Variants in PTPRT observed in about 807,000 individuals in gnomAD.
PTPRT encodes the protein receptor-type tyrosine-protein phosphatase T.
Under a neutral mutation model 176.8 loss-of-function variants are expected in PTPRT, and 56 were observed. That is an observed-to-expected ratio of 0.32 (90% confidence interval 0.26 to 0.40). PTPRT has a LOEUF of 0.40. PTPRT is among the 10% of genes least tolerant of loss of function. The probability of loss-of-function intolerance (pLI) is 1.00; values close to 1 mark genes in which losing one functional copy is unlikely to be tolerated. For synonymous variants in PTPRT, 783 were observed against 739.0 expected, an observed-to-expected ratio of 1.06 and a Z score of -0.96; for missense variants, 1,540 against 1,908.2, an observed-to-expected ratio of 0.81 and a Z score of 3.60.
At chr20:42,064,971 C>T in the PTPRT span, among the ~76,000 whole-genome samples, 1 of 152,170 alleles carries the variant, frequency 6.6e-6, no homozygotes, top group Non-Finnish European at 1.5e-5. Flanking sequence ...TGTAATTAGT[C>T]TGACTACTCT....
chr20:42,705,235 C>T (rs1051211579), intron 6 of PTPRT, among the ~76,000 whole-genome samples: 4 of 152,050 alleles, frequency 2.6e-5, no homozygotes, highest in Non-Finnish European at 4.4e-5. Flanking sequence ...TTGTTACACA[C>T]GTCCATATAA....
Position 42,659,805 on chromosome 20 carries a change from T to C in PTPRT, c.1153+18061A>G, listed in dbSNP as rs984040459. Among the ~76,000 whole-genome samples the C allele has an allele frequency of 3.9e-5, 6 of 152,120 alleles. No homozygotes were observed. In the East Asian group the frequency reaches 1.2e-3, roughly 29 times the overall value. On this transcript the variant is annotated intron_variant, in intron 7 of 30. Transcript: ENST00000373187. ...ATGGATTCGCTGCTTAACCTTCAAA[T>C]AAAAAAAATTCAATTAATCAGAGCT...
intron 7 of PTPRT, among the ~76,000 whole-genome samples, chr20:42,643,149 T>C (rs760164037): frequency 2.0e-5 from 3 of 152,126 alleles, no homozygotes; most frequent in Non-Finnish European, 2.9e-5. Context: ...AGCATTATTA[T>C]GGCAATAGCT....
chr20:43,113,272 T>C (rs768697824), intron 1 of PTPRT, among the ~76,000 whole-genome samples: 9 of 152,234 alleles, frequency 5.9e-5, no homozygotes, highest in Non-Finnish European at 1.0e-4. Context: ...ATTTGGCTTA[T>C]TAAAAAAGTA....
At chr20:42,055,163 C>A in the PTPRT span, among the ~76,000 whole-genome samples, 2 of 152,118 alleles carry the variant, frequency 1.3e-5, no homozygotes, top group African/African-American at 4.8e-5. Context: ...CTTAACGTGG[C>A]GGTACAGGTG....
intron 1 of PTPRT, among the ~76,000 whole-genome samples, chr20:42,947,158 C>T (rs367912712): frequency 6.2e-4 from 94 of 152,282 alleles, no homozygotes; most frequent in African/African-American, 2.1e-3. Context: ...CCCCTGTGCC[C>T]GTACTACCTG....
chr20:42,209,330 A>T (rs2055558300), intron 15 of PTPRT, among the ~76,000 whole-genome samples: 1 of 152,030 alleles, frequency 6.6e-6, no homozygotes, highest in Non-Finnish European at 1.5e-5. Flanking sequence ...GACACAAAAA[A>T]CCCTTCAAAA....
chr20:42,249,512 C>A (rs918158071), intron 13 of PTPRT, among the ~76,000 whole-genome samples: 1 of 152,194 alleles, frequency 6.6e-6, no homozygotes, highest in Non-Finnish European at 1.5e-5. Flanking sequence ...TTAGCCCTAT[C>A]CTGGGTAACT....
intron 7 of PTPRT, among the ~76,000 whole-genome samples, chr20:42,654,130 C>A (rs1410475745): frequency 6.6e-6 from 1 of 151,970 alleles, no homozygotes; most frequent in Non-Finnish European, 1.5e-5. Context: ...ATGTTAGAGG[C>A]CATGGAAACT....
At chr20:42,150,611 G>A (rs1033450686) in intron 17 of PTPRT, among the ~76,000 whole-genome samples, 1 of 152,230 alleles carries the variant, frequency 6.6e-6, no homozygotes, top group Non-Finnish European at 1.5e-5. Context: ...CACTAACTGT[G>A]TATGCGAGTC....
intron 3 of PTPRT, among the ~76,000 whole-genome samples, chr20:42,781,470 C>T (rs962243783): frequency 2.0e-4 from 31 of 152,146 alleles, no homozygotes; most frequent in Non-Finnish European, 4.1e-4. Flanking sequence ...GGAACATCAG[C>T]GCTCTTGACC....
intron 8 of PTPRT, among the ~76,000 whole-genome samples, chr20:42,463,226 T>C (rs1326182050): frequency 1.3e-5 from 2 of 151,074 alleles, no homozygotes; most frequent in Non-Finnish European, 2.9e-5. Context: ...AAAAAATTCC[T>C]TTTTTTGTCT....
chr20:42,042,599 A>G, the PTPRT span, among the ~76,000 whole-genome samples: 5 of 152,212 alleles, frequency 3.3e-5, no homozygotes, highest in African/African-American at 1.2e-4. Context: ...CAAAGTGCTC[A>G]TCTGAGCCGC....
chr20:42,594,137 A>G (rs2073628310), intron 7 of PTPRT, among the ~76,000 whole-genome samples: 1 of 152,166 alleles, frequency 6.6e-6, no homozygotes, highest in Non-Finnish European at 1.5e-5. Context: ...ACGTGAAGGG[A>G]AAGAAGTGAG....
intron 17 of PTPRT, among the ~76,000 whole-genome samples, chr20:42,153,116 T>C (rs182601776): frequency 1.3e-5 from 2 of 152,296 alleles, no homozygotes; most frequent in Admixed American, 1.3e-4. Flanking sequence ...AAAAAGCAAG[T>C]GTGTCTCCAA....
chr20:43,156,319 T>G (rs1308631724), intron 1 of PTPRT, among the ~76,000 whole-genome samples: 1 of 152,120 alleles, frequency 6.6e-6, no homozygotes, highest in Admixed American at 6.5e-5. Flanking sequence ...CAACATCCAT[T>G]TTACAGATGA....
intron 7 of PTPRT, among the ~76,000 whole-genome samples, chr20:42,515,227 G>A (rs879615300): frequency 2.6e-5 from 4 of 152,190 alleles, no homozygotes; most frequent in Non-Finnish European, 5.9e-5. Flanking sequence ...GCTCATGCCT[G>A]TAATCCCAGC....
intron 1 of PTPRT, among the ~76,000 whole-genome samples, chr20:42,957,169 G>GA (rs1486839173): frequency 1.3e-5 from 2 of 152,062 alleles, no homozygotes; most frequent in Non-Finnish European, 2.9e-5. Context: ...ATTTGATAGG[G>GA]AAAAATCGAA....
chr20:43,154,167 T>G (rs1276653037), intron 1 of PTPRT, among the ~76,000 whole-genome samples: 1 of 152,212 alleles, frequency 6.6e-6, no homozygotes, highest in Non-Finnish European at 1.5e-5. Flanking sequence ...TATATTTAAG[T>G]CTTTAATCCA....
Sources: gnomAD v4.1 joint callset for allele counts (sites outside exome capture counted in the v4.1 genomes callset) on GRCh38, gnomAD v4.1.1 for gene constraint, MANE v1.5 for transcripts, NCBI Gene and HGNC (gene_info 2026-07-23, HGNC 2026-07-21) for gene names.